CSMD1: variants seen among roughly 807,000 people sequenced by gnomAD.
CSMD1 encodes CUB and Sushi multiple domains 1.
A neutral mutation model predicts 417.5 loss-of-function variants in CSMD1; 213 were observed. The observed-to-expected ratio is 0.51, with a 90% CI of 0.46 to 0.57. CSMD1 has a LOEUF of 0.57. Ranked by LOEUF, CSMD1 falls within the 20% of genes least tolerant of loss-of-function variation. The pLI, the probability that CSMD1 is intolerant of heterozygous loss-of-function variation, is 0.00. For synonymous variants in CSMD1, 2,862 were observed against 1,736.8 expected, an observed-to-expected ratio of 1.65 and a Z score of -16.11; for missense variants, 6,923 against 4,529.7, an observed-to-expected ratio of 1.53 and a Z score of -15.17.
intron 26 of CSMD1, among the ~76,000 whole-genome samples, chr8:3,232,975 C>T (rs2116922036): frequency 6.6e-6 from 1 of 151,902 alleles, no homozygotes; most frequent in Admixed American, 6.6e-5. Context: ...TTGTCATTGT[C>T]CATTTGTTTT....
chr8:4,260,802 G>T (rs1366736963), intron 3 of CSMD1, among the ~76,000 whole-genome samples: 1 of 152,034 alleles, frequency 6.6e-6, no homozygotes, highest in African/African-American at 2.4e-5. Flanking sequence ...CACCTCTCCT[G>T]GAAAATTATT....
chr8:4,649,157 T>G (rs888384337), intron 1 of CSMD1, among the ~76,000 whole-genome samples: 2 of 152,238 alleles, frequency 1.3e-5, no homozygotes, highest in African/African-American at 4.8e-5. Flanking sequence ...TGCTCTAGAC[T>G]GGCAGCCATG....
At chr8:4,036,289 G>C (rs1299315723) in intron 3 of CSMD1, among the ~76,000 whole-genome samples, 1 of 151,976 alleles carries the variant, frequency 6.6e-6, no homozygotes, top group Admixed American at 6.6e-5. Flanking sequence ...CTGTTGTTAT[G>C]GTCAAGCCTC....
chr8:4,761,923 C>T (rs1367950676), intron 1 of CSMD1, among the ~76,000 whole-genome samples: 3 of 144,878 alleles, frequency 2.1e-5, no homozygotes, highest in African/African-American at 8.2e-5. Context: ...ATCTATCTAT[C>T]TATCTATCTA....
intron 1 of CSMD1, among the ~76,000 whole-genome samples, chr8:4,918,782 A>G (rs1419849273): frequency 2.0e-5 from 3 of 152,230 alleles, no homozygotes; most frequent in African/African-American, 7.2e-5. Context: ...GGAATTTTAA[A>G]TAATTTATAT....
rs1810879531 is a variant in CSMD1 at position 3,384,761 on chromosome 8, A to C, written c.2782+2733T>G. Among the ~76,000 whole-genome samples the C allele has an allele frequency of 2.4e-5, 3 of 124,808 alleles. No homozygotes were observed. In the South Asian group the frequency reaches 6.7e-4, roughly 28 times the overall value. The allele number at this position is 124,808 out of a possible 152,430, so 81.9% of individuals were successfully genotyped here. On this transcript the variant is annotated intron_variant, in intron 18 of 69. Transcript: ENST00000635120. ...ATATAAATATATATTTATATAAATT[A>C]TATAAATATATATTTATATAATATA...
intron 1 of CSMD1, among the ~76,000 whole-genome samples, chr8:4,924,389 A>C (rs550743585): frequency 1.1e-4 from 17 of 152,324 alleles, no homozygotes; most frequent in African/African-American, 4.1e-4. Flanking sequence ...AAAACCATCT[A>C]TATGATATTT....
At chr8:4,914,116 T>C (rs929129195) in intron 1 of CSMD1, among the ~76,000 whole-genome samples, 14 of 152,118 alleles carry the variant, frequency 9.2e-5, no homozygotes, top group African/African-American at 2.9e-4. Flanking sequence ...TTGATTTGTG[T>C]TGAGCTCCCT....
At chr8:4,662,816 C>G (rs1181965589) in intron 1 of CSMD1, among the ~76,000 whole-genome samples, 1 of 152,098 alleles carries the variant, frequency 6.6e-6, no homozygotes, top group African/African-American at 2.4e-5. Context: ...AAACGAGTGC[C>G]CACATCATCA....
At chr8:3,939,573 T>C (rs1009444015) in intron 5 of CSMD1, among the ~76,000 whole-genome samples, 2 of 152,122 alleles carry the variant, frequency 1.3e-5, no homozygotes, top group Non-Finnish European at 2.9e-5. Flanking sequence ...ACAAGCATGT[T>C]TATAGCAGCA....
intron 6 of CSMD1, among the ~76,000 whole-genome samples, chr8:3,714,415 G>C (rs2129042231): frequency 6.6e-6 from 1 of 151,040 alleles, no homozygotes; most frequent in Admixed American, 6.6e-5. Flanking sequence ...CTTACATTTG[G>C]GAAAACAGTG....
chr8:4,224,491 C>G (rs1283391263), intron 3 of CSMD1, among the ~76,000 whole-genome samples: 2 of 152,156 alleles, frequency 1.3e-5, no homozygotes, highest in Admixed American at 6.5e-5. Context: ...TCTACACTCT[C>G]AGTTCAGTGT....
chr8:4,355,204 A>G (rs1051364240), intron 3 of CSMD1, among the ~76,000 whole-genome samples: 17 of 151,880 alleles, frequency 1.1e-4, no homozygotes, highest in African/African-American at 3.1e-4. Context: ...GGAGCTTGCA[A>G]TGATCCGAGA....
Position 4,455,929 on chromosome 8 carries a change from CAAAAAAAA to C in CSMD1, c.303-35872_303-35865del, listed in dbSNP as rs71207091. ...GGGTGACAAAGTGAGACTCCAACTCCAAAAAAAAAAAAAAAAAAAAAAAAAAAAAAAAA... is the reference window on the plus strand; with the variant it reads ...GGGTGACAAAGTGAGACTCCAACTCCAAAAAAAAAAAAAAAAAAAAAAAAA... On this transcript the variant is annotated intron_variant, in intron 2 of 69. Transcript: ENST00000635120. 2.7e-3 allele frequency among the ~76,000 whole-genome samples: 32 copies of C among 11,644 alleles called. 1 individual carries two copies. Among genetic ancestry groups the C allele is most frequent in the Admixed American group, 9.3e-3 (4 of 430 alleles). 7.6% of individuals were successfully genotyped at this position (11,644 alleles called of 152,430 possible). A position where few individuals can be genotyped will look rare whatever the true frequency, so the allele number is the denominator to read the frequency against.
At chr8:3,179,797 C>G (rs911334003) in intron 37 of CSMD1, among the ~76,000 whole-genome samples, 4 of 152,204 alleles carry the variant, frequency 2.6e-5, no homozygotes, top group Non-Finnish European at 5.9e-5. Context: ...ATTTTCCAGA[C>G]ACATCCTACA....
At chr8:3,959,675 G>C (rs1812193177) in intron 5 of CSMD1, among the ~76,000 whole-genome samples, 1 of 152,106 alleles carries the variant, frequency 6.6e-6, no homozygotes, top group Non-Finnish European at 1.5e-5. Context: ...TTATGTCCTA[G>C]TACAGCAGGT....
At chr8:3,761,407 A>C (rs1797989740) in intron 5 of CSMD1, among the ~76,000 whole-genome samples, 1 of 152,078 alleles carries the variant, frequency 6.6e-6, no homozygotes, top group Non-Finnish European at 1.5e-5. Flanking sequence ...ACAACCAACT[A>C]TGAAACAAAA....
intron 1 of CSMD1, among the ~76,000 whole-genome samples, chr8:4,938,220 G>C (rs962188347): frequency 3.3e-5 from 5 of 152,270 alleles, no homozygotes; most frequent in Middle Eastern, 3.4e-3. Flanking sequence ...TGAAGCTCTG[G>C]AGTGACTGGT....
chr8:3,221,527 G>A (rs1798212733), intron 28 of CSMD1, among the ~76,000 whole-genome samples: 2 of 113,962 alleles, frequency 1.8e-5, no homozygotes, highest in South Asian at 3.6e-4. Flanking sequence ...GCCAGACACA[G>A]GAAAACAAAC....
Sources: gnomAD v4.1 joint callset for allele counts (sites outside exome capture counted in the v4.1 genomes callset) on GRCh38, gnomAD v4.1.1 for gene constraint, MANE v1.5 for transcripts, NCBI Gene and HGNC (gene_info 2026-07-23, HGNC 2026-07-21) for gene names.